The following DPP6 variants were observed in gnomAD, a reference collection of about 807,000 sequenced individuals.
The protein encoded by DPP6 is dipeptidyl peptidase like 6.
Under a neutral mutation model 122.6 loss-of-function variants are expected in DPP6, and 69 were observed. The observed-to-expected ratio is 0.56, with a 90% CI of 0.46 to 0.69. DPP6 has a LOEUF of 0.69. Ranked by LOEUF, DPP6 falls within the 30% of genes least tolerant of loss-of-function variation. The pLI is 0.00. For synonymous variants in DPP6, 418 were observed against 433.1 expected, an observed-to-expected ratio of 0.97 and a Z score of 0.43; for missense variants, 928 against 1,116.9, an observed-to-expected ratio of 0.83 and a Z score of 2.41.
At chr7:153,947,240 A>T (rs1342644920) in intron 1 of DPP6, among the ~76,000 whole-genome samples, 1 of 152,072 alleles carries the variant, frequency 6.6e-6, no homozygotes, top group Non-Finnish European at 1.5e-5. Flanking sequence ...GTAACCAGGG[A>T]CCTAGACCTG....
intron 1 of DPP6, among the ~76,000 whole-genome samples, chr7:154,260,174 G>A (rs983235696): frequency 2.6e-5 from 4 of 152,152 alleles, no homozygotes; most frequent in Admixed American, 6.5e-5. Context: ...GGGTGGGAGC[G>A]GTAGGAGAGG....
intron 1 of DPP6, among the ~76,000 whole-genome samples, chr7:154,150,723 C>T (rs56407608): frequency 0.017 from 2,577 of 152,340 alleles, 70 homozygotes; most frequent in African/African-American, 0.058. Flanking sequence ...TCCTGGAGCG[C>T]TGGCCCAGGC....
chr7:154,204,586 G>A (rs927073875), intron 1 of DPP6, among the ~76,000 whole-genome samples: 13 of 152,154 alleles, frequency 8.5e-5, no homozygotes, highest in Non-Finnish European at 1.5e-4. Context: ...TGGAAGGGAC[G>A]CTGCTCAGAC....
chr7:154,380,990 C>A (rs58133696), intron 1 of DPP6, among the ~76,000 whole-genome samples: 5,923 of 152,322 alleles, frequency 0.039, 207 homozygotes, highest in East Asian at 0.11. Context: ...GGGTGGATGG[C>A]AGATGCCATC....
chr7:154,575,216 TG>T (rs1831489982), intron 5 of DPP6, among the ~76,000 whole-genome samples: 5 of 121,822 alleles, frequency 4.1e-5, no homozygotes, highest in East Asian at 2.7e-4. Context: ...GTGGTGTGTG[TG>T]TGGTGTGGTG....
intron 1 of DPP6, among the ~76,000 whole-genome samples, chr7:154,216,026 CT>C (rs1799975947): frequency 6.6e-6 from 1 of 152,084 alleles, no homozygotes; most frequent in African/African-American, 2.4e-5. Context: ...GGTCGGTCCT[CT>C]TTTTCCCTTC....
chr7:154,206,536 G>A (rs943447233), intron 1 of DPP6, among the ~76,000 whole-genome samples: 4 of 152,206 alleles, frequency 2.6e-5, no homozygotes, highest in Non-Finnish European at 5.9e-5. Context: ...ACGTGTCCAA[G>A]CCCGTATAGC....
rs1831353602 is a variant in DPP6, at chr7:154,574,478, GGTGT to G, written c.627+7567_627+7570del. 2.2e-5 allele frequency among the ~76,000 whole-genome samples: 3 copies of G among 134,352 alleles called. No homozygotes were observed. The East Asian group carries it at 7.0e-4, about 31-fold the overall frequency. The allele number at this position is 134,352 out of a possible 152,430, so 88.1% of individuals were successfully genotyped here. ...GTGTGTGGTACGTGTATATGTGTGT[GGTGT>G]GTGTATGTGTATGTGGTGTGTGTAT... On this transcript the variant is annotated intron_variant, in intron 5 of 25. Transcript: ENST00000377770.
chr7:154,614,230 C>T (rs1196259730), intron 5 of DPP6, among the ~76,000 whole-genome samples: 2 of 152,164 alleles, frequency 1.3e-5, no homozygotes, highest in African/African-American at 2.4e-5. Context: ...GGTTAGCTTG[C>T]GTTAGCTTCT....
At chr7:153,992,858 C>T (rs1797245335) in intron 1 of DPP6, among the ~76,000 whole-genome samples, 1 of 152,052 alleles carries the variant, frequency 6.6e-6, no homozygotes, top group African/African-American at 2.4e-5. Context: ...CATTCTGTCC[C>T]TGAAATTCTC....
chr7:153,761,940 A>T, the DPP6 span, among the ~76,000 whole-genome samples: 1 of 152,212 alleles, frequency 6.6e-6, no homozygotes, highest in Non-Finnish European at 1.5e-5. Flanking sequence ...TCCAAATTGT[A>T]GCATTTTGGT....
intron 1 of DPP6, among the ~76,000 whole-genome samples, chr7:153,995,286 C>A (rs1313538757): frequency 6.6e-6 from 1 of 152,104 alleles, no homozygotes; most frequent in Non-Finnish European, 1.5e-5. Flanking sequence ...CCCATGAGTT[C>A]TTTTAAGAAG....
chr7:154,729,340 C>T (rs148421550), intron 8 of DPP6, among the ~76,000 whole-genome samples: 1 of 152,264 alleles, frequency 6.6e-6, no homozygotes, highest in East Asian at 1.9e-4. Flanking sequence ...GTGCATGCCT[C>T]ATTCTGCATT....
intron 7 of DPP6, among the ~76,000 whole-genome samples, chr7:154,704,782 T>A (rs1016307984): frequency 2.0e-5 from 3 of 152,388 alleles, no homozygotes; most frequent in South Asian, 4.1e-4. Context: ...ACATAACTTT[T>A]ATATGCAGTT....
rs572989580 is a variant in DPP6 at position 154,694,255 on chromosome 7, G to C, written c.762+24814G>C. On this transcript the variant is annotated intron_variant, in intron 7 of 25. Coordinates refer to ENST00000377770, the MANE Select transcript of DPP6 (RefSeq NM_130797.4). Reference sequence around the variant, plus strand: ...CTCACTTCCTAATACCATCCCATTGGGGGTGGGATTTCAACATTGGAACTT... The same window carrying C: ...CTCACTTCCTAATACCATCCCATTGCGGGTGGGATTTCAACATTGGAACTT... 2.8e-4 allele frequency among the ~76,000 whole-genome samples: 43 copies of C among 152,274 alleles called. 1 individual carries two copies. In the South Asian group the frequency reaches 8.7e-3, roughly 31 times the overall value.
chr7:154,190,389 A>G (rs994295555), intron 1 of DPP6, among the ~76,000 whole-genome samples: 3 of 152,162 alleles, frequency 2.0e-5, no homozygotes, highest in African/African-American at 7.2e-5. Flanking sequence ...AGTAATGTCA[A>G]GATTTGAGAG....
At chr7:154,758,337 T>C (rs540141454) in intron 8 of DPP6, among the ~76,000 whole-genome samples, 21 of 152,034 alleles carry the variant, frequency 1.4e-4, no homozygotes, top group Non-Finnish European at 1.9e-4. Flanking sequence ...TCCCATTACA[T>C]TGAAATCTTT....
At chr7:154,526,112 A>G (rs1290633098) in intron 3 of DPP6, among the ~76,000 whole-genome samples, 1 of 152,226 alleles carries the variant, frequency 6.6e-6, no homozygotes, top group African/African-American at 2.4e-5. Context: ...GGCTCCTGCT[A>G]CAATATAAGC....
chr7:154,788,121 C>G (rs1436411330), intron 10 of DPP6, among the ~76,000 whole-genome samples: 2 of 151,738 alleles, frequency 1.3e-5, no homozygotes, highest in African/African-American at 2.4e-5. Flanking sequence ...TTTTGAGTTG[C>G]CTTCATAAGT....
Sources: allele counts gnomAD v4.1 joint callset (sites outside exome capture counted in the v4.1 genomes callset), GRCh38; gene constraint gnomAD v4.1.1; transcripts MANE v1.5; gene names NCBI Gene and HGNC (gene_info 2026-07-23, HGNC 2026-07-21).